Variants in RANBP3L observed in about 807,000 individuals in gnomAD.
RANBP3L encodes the protein RAN binding protein 3 like, also known as ran-binding protein 3-like.
In RANBP3L, 56 loss-of-function variants were observed where a neutral mutation model predicts 67.2. The observed-to-expected ratio is 0.83, with a 90% confidence interval of 0.67 to 1.04. The LOEUF (loss-of-function observed/expected upper bound fraction) is 1.04, where lower values mean the gene tolerates loss of function less well. RANBP3L is among the 50% of genes least tolerant of loss of function. The pLI is 0.00. For missense variants in RANBP3L, 496 were observed against 535.5 expected, an observed-to-expected ratio of 0.93 and a Z score of 0.73; for synonymous variants, 164 against 181.4, an observed-to-expected ratio of 0.90 and a Z score of 0.77.
intron 1 of RANBP3L, among the ~76,000 whole-genome samples, chr5:36,282,116 T>C (rs1751012285): frequency 6.6e-6 from 1 of 152,152 alleles, no homozygotes; most frequent in Non-Finnish European, 1.5e-5. Flanking sequence ...AAATACATAT[T>C]TAATTTGACA....
intron 13 of RANBP3L, 111 bp from the exon 14 acceptor site, chr5:36,249,808 A>C: frequency 2.3e-6 from 1 of 441,752 alleles, no homozygotes. Flanking sequence ...TTGGTGATGA[A>C]ATAAAAGCTA....
chr5:36,288,754 C>T (rs1751501711), intron 1 of RANBP3L, among the ~76,000 whole-genome samples: 1 of 152,066 alleles, frequency 6.6e-6, no homozygotes, highest in Admixed American at 6.6e-5. Flanking sequence ...TGCTTTTGGC[C>T]ATTTATATAC....
intron 6 of RANBP3L, among the ~76,000 whole-genome samples, chr5:36,264,270 T>A (rs75983424): frequency 1.3e-5 from 2 of 152,220 alleles, no homozygotes; most frequent in Non-Finnish European, 2.9e-5. Flanking sequence ...ATGGCTAAGA[T>A]GGAATAACTC....
intron 1 of RANBP3L, among the ~76,000 whole-genome samples, chr5:36,295,614 C>T (rs1429272459): frequency 1.3e-5 from 2 of 151,660 alleles, no homozygotes; most frequent in Non-Finnish European, 2.9e-5. Flanking sequence ...ATTTTATCTC[C>T]TGCAACAGTG....
intron 1 of RANBP3L, among the ~76,000 whole-genome samples, chr5:36,275,349 G>T (rs1750499584): frequency 6.6e-6 from 1 of 152,140 alleles, no homozygotes; most frequent in Admixed American, 6.6e-5. Flanking sequence ...ATTAGTAAGT[G>T]GCAACGCCTT....
intron 1 of RANBP3L, among the ~76,000 whole-genome samples, chr5:36,300,756 T>C (rs769515840): frequency 3.3e-5 from 5 of 152,128 alleles, no homozygotes; most frequent in African/African-American, 9.7e-5. Context: ...TTAAAAAGAC[T>C]GATGGTGAAA....
intron 6 of RANBP3L, among the ~76,000 whole-genome samples, chr5:36,263,450 A>G (rs1432853117): frequency 6.6e-6 from 1 of 152,210 alleles, no homozygotes; most frequent in Non-Finnish European, 1.5e-5. Flanking sequence ...ATCTTGCTCT[A>G]TATTTATAGT....
chr5:36,263,534 A>G (rs1003272182), intron 6 of RANBP3L, among the ~76,000 whole-genome samples: 1 of 152,138 alleles, frequency 6.6e-6, no homozygotes, highest in African/African-American at 2.4e-5. Context: ...CTATTACATA[A>G]TTTAAAACAA....
At chr5:36,257,590 A>G in intron 8 of RANBP3L, 34 bp from the exon 9 acceptor site, 2 of 996,618 alleles carry the variant, frequency 2.0e-6, no homozygotes, top group Non-Finnish European at 1.5e-6. Flanking sequence ...ATTTTATTTA[A>G]TAAAAGTTTT....
At chr5:36,259,147 G>A (rs181660579) in intron 8 of RANBP3L, among the ~76,000 whole-genome samples, 1 of 152,272 alleles carries the variant, frequency 6.6e-6, no homozygotes, top group African/African-American at 2.4e-5. Flanking sequence ...AATTCACCAT[G>A]GAGGCTGGTC....
At position 36,301,733 on chromosome 5, in the gene RANBP3L, A is replaced by C. The variant is rs528870649; in HGVS notation, c.-317T>G. On this transcript the variant is annotated 5_prime_UTR_variant, in exon 1 of 14. Transcript: ENST00000296604. ...TAGAGTAAAATTCTACAAATTAACTATTTCTAACAGATTACACTTTTGTCA... is the reference window on the plus strand; with the variant it reads ...TAGAGTAAAATTCTACAAATTAACTCTTTCTAACAGATTACACTTTTGTCA... 4 of 229,858 alleles carry C rather than the reference A, an allele frequency of 1.7e-5. No homozygotes were observed. Among genetic ancestry groups the C allele is most frequent in the Non-Finnish European group, 2.6e-5 (3 of 116,976 alleles). 14.2% of individuals were successfully genotyped at this position (229,858 alleles called of 1,614,324 possible). A position where few individuals can be genotyped will look rare whatever the true frequency, so the allele number is the denominator to read the frequency against.
intron 1 of RANBP3L, among the ~76,000 whole-genome samples, chr5:36,287,589 T>A (rs182605715): frequency 6.6e-6 from 1 of 152,176 alleles, no homozygotes; most frequent in African/African-American, 2.4e-5. Flanking sequence ...CACTGAATTC[T>A]AAAGAAAATT....
chr5:36,301,294 G>T, intron 1 of RANBP3L, 32 bp downstream of exon 1: 1 of 1,508,348 alleles, frequency 6.6e-7, no homozygotes, highest in Non-Finnish European at 9.2e-7. Context: ...GAAGGTCACA[G>T]AATATGCAAC....
intron 1 of RANBP3L, among the ~76,000 whole-genome samples, chr5:36,299,846 T>A (rs773089306): frequency 3.9e-5 from 6 of 152,166 alleles, no homozygotes; most frequent in Non-Finnish European, 5.9e-5. Flanking sequence ...TCCTCTGTCA[T>A]TAAATTAAAA....
Position 36,272,210 on chromosome 5 carries a change from T to A in RANBP3L, c.92-899A>T, listed in dbSNP as rs571564167. Among the ~76,000 whole-genome samples the A allele has an allele frequency of 4.6e-4, 70 of 152,308 alleles. 1 individual carries two copies. In the South Asian group the frequency reaches 0.014, roughly 30 times the overall value. On this transcript the variant is annotated intron_variant, in intron 1 of 13. Coordinates refer to ENST00000296604, the MANE Select transcript of RANBP3L (RefSeq NM_145000.5). ...AATGAGACTTTTAGATATAATTTTT[T>A]AAATTTTAACAAAAACAAAAAAGCC...
intron 4 of RANBP3L, among the ~76,000 whole-genome samples, chr5:36,266,876 CG>C (rs774733778): frequency 1.3e-5 from 2 of 152,078 alleles, no homozygotes; most frequent in Admixed American, 6.5e-5. Context: ...CTTGCCTCAG[CG>C]CCCCAAGTAG....
intron 4 of RANBP3L, among the ~76,000 whole-genome samples, chr5:36,267,151 G>A (rs1163500801): frequency 2.6e-5 from 4 of 152,208 alleles, no homozygotes; most frequent in African/African-American, 9.6e-5. Flanking sequence ...AAAGTTACTT[G>A]ATATACTGTT....
chr5:36,262,083 C>T, intron 6 of RANBP3L, 41 bp from the exon 7 acceptor site: 2 of 963,676 alleles, frequency 2.1e-6, no homozygotes, highest in South Asian at 1.3e-5. Context: ...ATAAAGACTA[C>T]CTTACTATAG....
intron 2 of RANBP3L, 89 bp from the exon 3 acceptor site, chr5:36,270,079 A>T: frequency 8.7e-7 from 1 of 1,143,366 alleles, no homozygotes; most frequent in Non-Finnish European, 1.3e-6. Flanking sequence ...GGCAATTAAA[A>T]GTAATGGCAA....
Sources: allele counts gnomAD v4.1 joint callset (sites outside exome capture counted in the v4.1 genomes callset), GRCh38; gene constraint gnomAD v4.1.1; transcripts MANE v1.5; gene names NCBI Gene and HGNC (gene_info 2026-07-23, HGNC 2026-07-21).